USE1: variants seen among roughly 807,000 people sequenced by gnomAD.
The protein encoded by USE1 is vesicle transport protein USE1.
USE1 carries 32 observed loss-of-function variants against 37.6 expected under a neutral mutation model. The observed-to-expected ratio is 0.85, with a 90% CI of 0.64 to 1.14. USE1 has a LOEUF of 1.14. USE1 is among the 50% of genes most tolerant of loss of function. The pLI, the probability that USE1 is intolerant of heterozygous loss-of-function variation, is 0.00. For synonymous variants in USE1, 149 were observed against 137.6 expected (o/e 1.08, Z -0.58); for missense variants, 310 against 332.2 (o/e 0.93, Z 0.52).
chr19:17,216,163 C>T lies in USE1; in HGVS notation c.232-6C>T, dbSNP rs954363765. ...TCCAGTGACTTATCTTCCCACATTT[C>T]TGCAGACCTCCTCCTCAGAGAAAGC... On this transcript the variant is annotated splice_polypyrimidine_tract_variant and splice_region_variant and intron_variant, in intron 3 of 7. Transcript: ENST00000263897. 8 of 1,612,876 alleles carry T rather than the reference C, an allele frequency of 5.0e-6. No individual in the cohort carries two copies. The African/African-American group carries it at 9.3e-5, about 19-fold the overall frequency.
At chr19:17,216,359 C>A in intron 4 of USE1, 38 bp downstream of exon 4, 1 of 1,599,854 alleles carries the variant, frequency 6.3e-7, no homozygotes, top group Non-Finnish European at 8.5e-7. Context: ...ATCCCTTGGA[C>A]AGGAATAGGG....
intron 4 of USE1, among the ~76,000 whole-genome samples, chr19:17,216,839 A>G (rs1245691545): frequency 2.6e-5 from 4 of 151,952 alleles, no homozygotes; most frequent in Non-Finnish European, 5.9e-5. Flanking sequence ...TTAGCTGGGC[A>G]TGGTGGCTCA....
Position 17,218,361 on chromosome 19 carries a change from C to G in USE1, c.395-3C>G. ...TTTTTTGCTTGGCCTGTTTTGCTTT[C>G]AGAGCCTGAGATGGACGTAAGGAAG... is the stretch of plus-strand genomic sequence containing the variant. On this transcript the variant is annotated splice_region_variant and splice_polypyrimidine_tract_variant and intron_variant, in intron 5 of 7. Transcript: ENST00000263897. 6.2e-7 allele frequency: 1 copy of G among 1,613,640 alleles called. No individual in the cohort carries two copies. The highest frequency in any genetic ancestry group is 8.5e-7 in the Non-Finnish European group (1 of 1,179,744).
rs1419328190 is a variant in USE1, at chr19:17,216,290, C to A, written c.353C>A (p.Thr118Asn). The change falls in exon 4 of 8, where the codon ACC (threonine) becomes AAC (asparagine). Residue 118 changes from threonine (T) to asparagine (N), a missense_variant. Thr to Asn is a moderately conservative substitution (Grantham distance 65). Coordinates refer to ENST00000263897, the MANE Select transcript of USE1 (RefSeq NM_018467.4). ...TVHLQSRARY[T>N]SEMRSELLGT... ...CATCTGCAGTCACGGGCGCGGTACACCAGCGAGATGCGGAGTGAGCTACTA... is the reference window on the plus strand; with the variant it reads ...CATCTGCAGTCACGGGCGCGGTACAACAGCGAGATGCGGAGTGAGCTACTA... 1 of 1,612,730 alleles carries A rather than the reference C, an allele frequency of 6.2e-7. No homozygotes were observed. Among genetic ancestry groups the A allele is most frequent in the Non-Finnish European group, 8.5e-7 (1 of 1,179,706 alleles).
chr19:17,215,625 G>C, intron 1 of USE1, 118 bp downstream of exon 1: 1 of 1,386,006 alleles, frequency 7.2e-7, no homozygotes. Context: ...GCCCTTTCCG[G>C]TCAGTCCCGC....
At chr19:17,219,075 C>T (rs2073308417) in intron 6 of USE1, 138 bp from the exon 7 acceptor site, 17 of 1,278,446 alleles carry the variant, frequency 1.3e-5, no homozygotes, top group East Asian at 5.5e-5. Flanking sequence ...TGCAGTGAGC[C>T]GAGATCATGC....
chr19:17,218,446 G>C (rs970496871), intron 6 of USE1, 55 bp downstream of exon 6: 4 of 1,610,076 alleles, frequency 2.5e-6, no homozygotes, highest in Admixed American at 3.4e-5. Flanking sequence ...CGGCAGGGAC[G>C]GGGTAGCAGT....
intron 5 of USE1, 136 bp from the exon 6 acceptor site, chr19:17,218,228 G>C (rs933337266): frequency 8.1e-7 from 1 of 1,231,880 alleles, no homozygotes; most frequent in Non-Finnish European, 1.1e-6. Context: ...ATTCAAGCAT[G>C]GTCAGAAGCC....
intron 1 of USE1, 25 bp from the exon 2 acceptor site, chr19:17,215,777 G>T: frequency 6.2e-7 from 1 of 1,603,532 alleles, no homozygotes; most frequent in Non-Finnish European, 8.5e-7. Context: ...AGACCCCCGG[G>T]TGACAATCCA....
intron 5 of USE1, chr19:17,217,716 A>G (rs1281035303): frequency 3.8e-6 from 2 of 532,090 alleles, no homozygotes; most frequent in South Asian, 3.1e-5. Flanking sequence ...GTTTGAGACC[A>G]ACCTGGCCAA....
In USE1 at chr19:17,219,401, G is replaced by A; in HGVS notation, c.597+14G>A. On this transcript the variant is annotated intron_variant, in intron 7 of 7. Coordinates refer to ENST00000263897, the MANE Select transcript of USE1 (RefSeq NM_018467.4). ...AAGGACAACCAGGTGTGGGGACTGG[G>A]GGAGCTCTCCAGCCTCTGCCCTGGG... is the stretch of plus-strand genomic sequence containing the variant. 6.5e-7 allele frequency: 1 copy of A among 1,548,758 alleles called. No homozygotes were observed. The highest frequency in any genetic ancestry group is 1.4e-5 in the African/African-American group (1 of 73,118).
chr19:17,218,158 G>A, intron 5 of USE1: 1 of 601,200 alleles, frequency 1.7e-6, no homozygotes, highest in Non-Finnish European at 2.9e-6. Context: ...GCTGGAGGGA[G>A]GGACCTGGGG....
chr19:17,217,302 C>G (rs1457737063), intron 4 of USE1, 151 bp from the exon 5 acceptor site: 6 of 855,462 alleles, frequency 7.0e-6, no homozygotes, highest in Non-Finnish European at 1.1e-5. Flanking sequence ...ACCTGGCTAA[C>G]TTTTTGTATT....
At chr19:17,219,126 CAAAA>C (rs71180373) in intron 6 of USE1, 83 bp from the exon 7 acceptor site, 308 of 1,318,594 alleles carry the variant, frequency 2.3e-4, no homozygotes, top group South Asian at 6.2e-4. Context: ...GACTCTGTAT[CAAAA>C]AAAAAAAAAA....
intron 5 of USE1, chr19:17,217,726 AC>A (rs1190873913): frequency 5.8e-6 from 3 of 512,868 alleles, no homozygotes; most frequent in South Asian, 4.6e-5. Context: ...AACCTGGCCA[AC>A]ATGACAAAAC....
chr19:17,219,412 A>C (rs2073311802), intron 7 of USE1, 25 bp downstream of exon 7: 1 of 1,544,326 alleles, frequency 6.5e-7, no homozygotes, highest in Non-Finnish European at 8.8e-7. Flanking sequence ...GGAGCTCTCC[A>C]GCCTCTGCCC....
At chr19:17,217,136 C>CT (rs35846876) in intron 4 of USE1, among the ~76,000 whole-genome samples, 48 of 128,614 alleles carry the variant, frequency 3.7e-4, no homozygotes, top group Non-Finnish European at 4.5e-4. Flanking sequence ...ATGGCATTTA[C>CT]TTTTTTTTTT....
Position 17,216,496 on chromosome 19 carries a change from T to TA in USE1, c.384+175_384+176insA, listed in dbSNP as rs140116709. 5.7e-3 allele frequency among the ~76,000 whole-genome samples: 873 copies of TA among 152,300 alleles called. 4 individuals are homozygous for TA. The highest frequency in any genetic ancestry group is 9.4e-3 in the Non-Finnish European group (637 of 68,018). On this transcript the variant is annotated intron_variant, in intron 4 of 7. Coordinates refer to ENST00000263897, the MANE Select transcript of USE1 (RefSeq NM_018467.4). ...ACAGAGGGGCATTGTGGCTAAGGCT[T>TA]TGCTAGATGAATAGGAATTTGGTAC...
rs2073303417 is a variant in USE1 at position 17,218,383 on chromosome 19, G to A, written c.414G>A (p.Arg138=). The A allele has an allele frequency of 6.2e-7, 1 of 1,613,692 alleles. No individual in the cohort carries two copies. Among genetic ancestry groups the A allele is most frequent in the East Asian group, 2.2e-5 (1 of 44,854 alleles). The change falls in exon 6 of 8, where the codon AGG becomes AGA. Residue 138 remains arginine, a synonymous_variant. Transcript: ENST00000263897. Reference sequence around the variant, plus strand: ...TTTCAGAGCCTGAGATGGACGTAAGGAAGAGAACGTGAGTGTCTGCGGCCC... The same window carrying A: ...TTTCAGAGCCTGAGATGGACGTAAGAAAGAGAACGTGAGTGTCTGCGGCCC... The part of the protein sequence containing the change: ...TDSAEPEMDV[R]KRTGVAGSQP...
Sources: gnomAD v4.1 joint callset for allele counts (sites outside exome capture counted in the v4.1 genomes callset) on GRCh38, gnomAD v4.1.1 for gene constraint, MANE v1.5 for transcripts, NCBI Gene and HGNC (gene_info 2026-07-23, HGNC 2026-07-21) for gene names.